The following ALK variants were observed in gnomAD, a reference collection of about 807,000 sequenced individuals.
ALK encodes the protein ALK tyrosine kinase receptor.
In ALK, 74 loss-of-function variants were observed where a neutral mutation model predicts 163.1. The ratio of observed to expected loss-of-function variants is 0.45; its 90% CI spans 0.38 to 0.55. The LOEUF (loss-of-function observed/expected upper bound fraction) is 0.55. Ranked by LOEUF, ALK falls within the 20% of genes least tolerant of loss-of-function variation. The pLI, the probability that ALK is intolerant of heterozygous loss-of-function variation, is 0.00. For missense variants in ALK, 2,063 were observed against 2,105.3 expected, an observed-to-expected ratio of 0.98 and a Z score of 0.39; for synonymous variants, 960 against 843.2, an observed-to-expected ratio of 1.14 and a Z score of -2.40.
intron 3 of ALK, among the ~76,000 whole-genome samples, chr2:29,647,809 CCTCT>C (rs1423370071): frequency 7.3e-6 from 1 of 136,668 alleles, no homozygotes; most frequent in Non-Finnish European, 1.5e-5. Flanking sequence ...CAGTCACATG[CCTCT>C]CTATTATTCA....
At chr2:29,675,013 T>C (rs925914028) in intron 3 of ALK, among the ~76,000 whole-genome samples, 2 of 151,530 alleles carry the variant, frequency 1.3e-5, no homozygotes, top group Non-Finnish European at 2.9e-5. Context: ...GTGGGATCGG[T>C]GGTGATATCC....
At chr2:29,671,673 T>C (rs1433882304) in intron 3 of ALK, among the ~76,000 whole-genome samples, 4 of 151,992 alleles carry the variant, frequency 2.6e-5, no homozygotes, top group Non-Finnish European at 4.4e-5. Flanking sequence ...GATGTGAAAG[T>C]CTGATTCTCC....
At chr2:29,466,249 G>C (rs919980736) in intron 4 of ALK, among the ~76,000 whole-genome samples, 1 of 152,002 alleles carries the variant, frequency 6.6e-6, no homozygotes, top group Non-Finnish European at 1.5e-5. Context: ...CCTCAGAAAA[G>C]AATCTCCCAA....
intron 1 of ALK, among the ~76,000 whole-genome samples, chr2:29,851,296 G>C (rs1665984343): frequency 6.6e-6 from 1 of 152,078 alleles, no homozygotes; most frequent in Non-Finnish European, 1.5e-5. Context: ...CGGTTTACAA[G>C]GCCCCTCACA....
chr2:29,664,469 T>C (rs549905989), intron 3 of ALK, among the ~76,000 whole-genome samples: 1 of 152,272 alleles, frequency 6.6e-6, no homozygotes, highest in East Asian at 1.9e-4. Context: ...TATCTGTCAC[T>C]TGAGTAGCCC....
At chr2:29,632,159 G>A (rs1404286892) in intron 3 of ALK, among the ~76,000 whole-genome samples, 4 of 152,296 alleles carry the variant, frequency 2.6e-5, no homozygotes, top group Middle Eastern at 3.4e-3. Context: ...GCATGCCTAC[G>A]TGCTGTCTGG....
At chr2:29,387,759 C>T (rs765295695) in intron 4 of ALK, among the ~76,000 whole-genome samples, 2 of 152,142 alleles carry the variant, frequency 1.3e-5, no homozygotes, top group Middle Eastern at 3.2e-3. Flanking sequence ...ATCACAGAAT[C>T]GCAGATTTAT....
At chr2:29,815,122 T>C (rs1277646393) in intron 1 of ALK, among the ~76,000 whole-genome samples, 1 of 150,942 alleles carries the variant, frequency 6.6e-6, no homozygotes, top group Non-Finnish European at 1.5e-5. Flanking sequence ...CAGATATTCC[T>C]GGTGAAACTG....
intron 9 of ALK, among the ~76,000 whole-genome samples, chr2:29,288,678 C>T (rs959221153): frequency 3.9e-5 from 6 of 152,070 alleles, no homozygotes; most frequent in African/African-American, 1.2e-4. Flanking sequence ...GAACTGGGTG[C>T]GGTGGCTCAT....
At chr2:29,778,988 T>C (rs909258508) in intron 1 of ALK, among the ~76,000 whole-genome samples, 4 of 151,732 alleles carry the variant, frequency 2.6e-5, no homozygotes, top group African/African-American at 7.3e-5. Context: ...ACCCGGTCTC[T>C]ACTAAAAAAT....
intron 1 of ALK, among the ~76,000 whole-genome samples, chr2:29,763,531 A>C (rs1350784377): frequency 6.6e-6 from 1 of 152,144 alleles, no homozygotes; most frequent in Non-Finnish European, 1.5e-5. Flanking sequence ...TAAATCAGGA[A>C]ATTAAGTGCT....
intron 4 of ALK, among the ~76,000 whole-genome samples, chr2:29,426,920 C>T (rs1409612115): frequency 6.6e-6 from 1 of 151,138 alleles, no homozygotes; most frequent in Non-Finnish European, 1.5e-5. Context: ...CGCCTGTAGT[C>T]CCAGCTACTC....
intron 4 of ALK, among the ~76,000 whole-genome samples, chr2:29,520,866 C>T (rs1018207562): frequency 6.6e-6 from 1 of 152,032 alleles, no homozygotes; most frequent in African/African-American, 2.4e-5. Context: ...CAGGGATCCC[C>T]TAAAGGATTT....
At chr2:29,314,501 GC>G (rs1666775540) in intron 8 of ALK, among the ~76,000 whole-genome samples, 2 of 152,082 alleles carry the variant, frequency 1.3e-5, no homozygotes, top group African/African-American at 4.8e-5. Flanking sequence ...GTGTGTGTTT[GC>G]GTGTACATAT....
intron 1 of ALK, among the ~76,000 whole-genome samples, chr2:29,724,245 A>T (rs1018087050): frequency 3.3e-5 from 5 of 152,194 alleles, no homozygotes; most frequent in Admixed American, 6.5e-5. Context: ...CGTTTTACTT[A>T]TTTCTTTTCC....
chr2:29,732,251 T>C (rs1363214990), intron 1 of ALK, among the ~76,000 whole-genome samples: 3 of 152,132 alleles, frequency 2.0e-5, no homozygotes, highest in Admixed American at 1.3e-4. Context: ...CGCTTGCAAA[T>C]AGTAGAAAGT....
At chr2:29,281,903 T>G (rs1386723198) in intron 9 of ALK, among the ~76,000 whole-genome samples, 1 of 152,240 alleles carries the variant, frequency 6.6e-6, no homozygotes, top group African/African-American at 2.4e-5. Flanking sequence ...GCGAATATAA[T>G]GCCTTATTTG....
chr2:29,576,046 G>A (rs1392154675), intron 3 of ALK, among the ~76,000 whole-genome samples: 4 of 152,198 alleles, frequency 2.6e-5, no homozygotes, highest in Non-Finnish European at 5.9e-5. Flanking sequence ...ACCTGCAAGA[G>A]CCTGCAGTTA....
chr2:29,375,419 T>C (rs935876992), intron 5 of ALK, among the ~76,000 whole-genome samples: 3 of 152,078 alleles, frequency 2.0e-5, no homozygotes, highest in African/African-American at 4.8e-5. Context: ...CCCAGGTTCA[T>C]GCCATTCTCC....
Sources: allele counts gnomAD v4.1 joint callset (sites outside exome capture counted in the v4.1 genomes callset), GRCh38; gene constraint gnomAD v4.1.1; transcripts MANE v1.5; gene names NCBI Gene and HGNC (gene_info 2026-07-23, HGNC 2026-07-21).